Variants in DAAM1 observed in about 807,000 individuals in gnomAD.
DAAM1 encodes the protein disheveled-associated activator of morphogenesis 1.
Under a neutral mutation model 130.0 loss-of-function variants are expected in DAAM1, and 52 were observed. The observed-to-expected ratio is 0.40, with a 90% CI of 0.32 to 0.50. The LOEUF is 0.50. Among genes scored for constraint, DAAM1 ranks in the 20% least tolerant of loss-of-function variants. The pLI, the probability that DAAM1 is intolerant of heterozygous loss-of-function variation, is 0.61. For synonymous variants in DAAM1, 452 were observed against 444.5 expected (o/e 1.02, Z -0.21); for missense variants, 1,134 against 1,303.8 (o/e 0.87, Z 2.01).
chr14:59,277,679 C>G (rs1415088199), intron 2 of DAAM1, among the ~76,000 whole-genome samples: 2 of 151,964 alleles, frequency 1.3e-5, no homozygotes, highest in African/African-American at 4.8e-5. Context: ...TTTCCTTTGA[C>G]TTTTAAAACT....
intron 15 of DAAM1, among the ~76,000 whole-genome samples, chr14:59,332,958 A>G (rs1176800774): frequency 6.6e-6 from 1 of 152,122 alleles, no homozygotes; most frequent in Non-Finnish European, 1.5e-5. Flanking sequence ...TTAAACAAGC[A>G]GCAGACTTCC....
At chr14:59,241,885 C>A (rs1269017081) in intron 1 of DAAM1, among the ~76,000 whole-genome samples, 1 of 152,094 alleles carries the variant, frequency 6.6e-6, no homozygotes, top group East Asian at 1.9e-4. Flanking sequence ...CAAACTGTCT[C>A]TCTCTCTCTC....
In DAAM1 at chr14:59,366,334, A is replaced by T. The variant is rs146917831; in HGVS notation, c.2827-1095A>T. Among the ~76,000 whole-genome samples the T allele has an allele frequency of 4.4e-3, 668 of 152,310 alleles. 2 individuals are homozygous for T. The highest frequency in any genetic ancestry group is 0.015 in the African/African-American group (630 of 41,574). On this transcript the variant is annotated intron_variant, in intron 23 of 24. Transcript: ENST00000360909. ...CACTTTGGGTTGCATTAAAGATTCC[A>T]TACTCAGTTGCTGTTTTCTCACTGA...
At chr14:59,366,156 C>G (rs1490406123) in intron 23 of DAAM1, among the ~76,000 whole-genome samples, 1 of 149,748 alleles carries the variant, frequency 6.7e-6, no homozygotes, top group Non-Finnish European at 1.5e-5. Flanking sequence ...GAGGCTGTGG[C>G]AGGATCACTT....
intron 2 of DAAM1, among the ~76,000 whole-genome samples, chr14:59,286,694 A>G (rs1407615528): frequency 6.6e-6 from 1 of 152,182 alleles, no homozygotes; most frequent in Non-Finnish European, 1.5e-5. Flanking sequence ...AAATGGATAC[A>G]TTCCCAGAAA....
At chr14:59,350,162 A>G (rs1886235333) in intron 17 of DAAM1, among the ~76,000 whole-genome samples, 1 of 152,118 alleles carries the variant, frequency 6.6e-6, no homozygotes, top group African/African-American at 2.4e-5. Flanking sequence ...CCCCAGACCT[A>G]TGAACTCCCT....
intron 1 of DAAM1, among the ~76,000 whole-genome samples, chr14:59,230,304 CTTT>C (rs34764413): frequency 8.4e-5 from 12 of 142,324 alleles, no homozygotes; most frequent in South Asian, 2.2e-4. Flanking sequence ...TGCTTAGAGG[CTTT>C]TTTTTTTTTT....
chr14:59,298,298 G>A (rs1332092579), intron 3 of DAAM1, among the ~76,000 whole-genome samples: 3 of 152,136 alleles, frequency 2.0e-5, no homozygotes, highest in Non-Finnish European at 4.4e-5. Flanking sequence ...TGCTTGTGTT[G>A]TCAAGACAAT....
chr14:59,354,628 TGA>T (rs1886407587), intron 19 of DAAM1, among the ~76,000 whole-genome samples: 1 of 152,208 alleles, frequency 6.6e-6, no homozygotes, highest in South Asian at 2.1e-4. Flanking sequence ...TTGTATGGTT[TGA>T]TTTTTAAAAT....
At chr14:59,279,335 A>T (rs1283083954) in intron 2 of DAAM1, among the ~76,000 whole-genome samples, 1 of 152,158 alleles carries the variant, frequency 6.6e-6, no homozygotes, top group Non-Finnish European at 1.5e-5. Context: ...TTTATTTTTC[A>T]TGAATGCTTC....
intron 1 of DAAM1, among the ~76,000 whole-genome samples, chr14:59,242,500 T>C (rs1224686611): frequency 6.6e-6 from 1 of 152,198 alleles, no homozygotes; most frequent in African/African-American, 2.4e-5. Context: ...GGCCAGACAT[T>C]ATTATTTGTA....
At chr14:59,306,662 G>A (rs1884390893) in intron 3 of DAAM1, among the ~76,000 whole-genome samples, 1 of 152,018 alleles carries the variant, frequency 6.6e-6, no homozygotes, top group African/African-American at 2.4e-5. Flanking sequence ...TCTGGCTGGA[G>A]GGTCTAACCT....
intron 12 of DAAM1, among the ~76,000 whole-genome samples, chr14:59,328,457 G>A (rs540247358): frequency 2.6e-5 from 4 of 152,178 alleles, no homozygotes; most frequent in Non-Finnish European, 5.9e-5. Context: ...AGAGCACTTA[G>A]GATGTAAGCT....
intron 14 of DAAM1, 106 bp from the exon 15 acceptor site, chr14:59,331,707 T>G: frequency 2.7e-6 from 4 of 1,494,816 alleles, no homozygotes; most frequent in Non-Finnish European, 3.6e-6. Context: ...ACTTTGAGTG[T>G]CTGGTAGACT....
At chr14:59,259,943 C>T (rs1034299513) in intron 1 of DAAM1, among the ~76,000 whole-genome samples, 1 of 152,130 alleles carries the variant, frequency 6.6e-6, no homozygotes, top group African/African-American at 2.4e-5. Context: ...ACTGGGGAGG[C>T]TGAGGCAGGA....
At chr14:59,289,528 A>G (rs1437571488) in intron 2 of DAAM1, among the ~76,000 whole-genome samples, 3 of 152,124 alleles carry the variant, frequency 2.0e-5, no homozygotes, top group African/African-American at 7.2e-5. Flanking sequence ...CACTGTTGGT[A>G]AGAATGCAAA....
chr14:59,216,087 C>G (rs1433859607), intron 1 of DAAM1, among the ~76,000 whole-genome samples: 2 of 152,092 alleles, frequency 1.3e-5, no homozygotes, highest in African/African-American at 4.8e-5. Context: ...GGTGAGGTCC[C>G]CAGGGCCTCC....
intron 1 of DAAM1, among the ~76,000 whole-genome samples, chr14:59,230,274 A>G (rs1351773655): frequency 6.7e-6 from 1 of 148,740 alleles, no homozygotes; most frequent in Non-Finnish European, 1.5e-5. Flanking sequence ...GGAAGCAAAC[A>G]CTGCAGCCGA....
chr14:59,217,572 C>T (rs1188908713), intron 1 of DAAM1, among the ~76,000 whole-genome samples: 1 of 152,170 alleles, frequency 6.6e-6, no homozygotes, highest in Admixed American at 6.5e-5. Context: ...CATGGTGGCT[C>T]ATGCCTGTAA....
Sources: allele counts gnomAD v4.1 joint callset (sites outside exome capture counted in the v4.1 genomes callset), GRCh38; gene constraint gnomAD v4.1.1; transcripts MANE v1.5; gene names NCBI Gene and HGNC (gene_info 2026-07-23, HGNC 2026-07-21).